Variants in BSN observed in about 807,000 individuals in gnomAD.
BSN encodes the protein bassoon presynaptic cytomatrix protein.
In BSN, 57 loss-of-function variants were observed where a neutral mutation model predicts 264.8. That is an observed-to-expected ratio of 0.22 (90% CI 0.17 to 0.27). The LOEUF (loss-of-function observed/expected upper bound fraction) is 0.27. BSN is among the 10% of genes least tolerant of loss of function. The pLI, the probability that BSN is intolerant of heterozygous loss-of-function variation, is 1.00. For missense variants in BSN, 4,615 were observed against 5,232.5 expected (o/e 0.88, Z 3.64); for synonymous variants, 2,059 against 2,137.3 (o/e 0.96, Z 1.01).
At chr3:49,569,242 C>T (rs978302707) in intron 1 of BSN, among the ~76,000 whole-genome samples, 1 of 152,086 alleles carries the variant, frequency 6.6e-6, no homozygotes, top group Non-Finnish European at 1.5e-5. Flanking sequence ...TAAAGTAGCA[C>T]TTCACCTGCA....
chr3:49,646,132 C>A (rs896973742), intron 3 of BSN, among the ~76,000 whole-genome samples: 1 of 152,144 alleles, frequency 6.6e-6, no homozygotes, highest in Non-Finnish European at 1.5e-5. Flanking sequence ...TCAGAGCACA[C>A]AATAGAGGAG....
At chr3:49,605,520 A>AT (rs1168097474) in intron 1 of BSN, among the ~76,000 whole-genome samples, 4 of 7,654 alleles carry the variant, frequency 5.2e-4, no homozygotes, top group Admixed American at 2.9e-3. Context: ...TATAATATAT[A>AT]TATAATATAT....
intron 1 of BSN, among the ~76,000 whole-genome samples, chr3:49,584,661 A>C (rs753655016): frequency 6.6e-6 from 1 of 152,186 alleles, no homozygotes; most frequent in Non-Finnish European, 1.5e-5. Context: ...TTATTTAAAA[A>C]TATACAATTA....
chr3:49,570,009 T>C (rs563733164), intron 1 of BSN, among the ~76,000 whole-genome samples: 3 of 152,244 alleles, frequency 2.0e-5, no homozygotes, highest in South Asian at 4.1e-4. Context: ...AGCAGAGATA[T>C]CATAATTTGA....
chr3:49,602,092 G>C (rs2052076658), intron 1 of BSN, among the ~76,000 whole-genome samples: 1 of 152,234 alleles, frequency 6.6e-6, no homozygotes, highest in Non-Finnish European at 1.5e-5. Flanking sequence ...GGGTGAGTTG[G>C]GGTAGGGGCT....
rs201531775 is a variant in BSN, at chr3:49,662,169, C to G, written c.10324C>G (p.Arg3442Gly). 5 of 1,612,814 alleles carry G rather than the reference C, an allele frequency of 3.1e-6. No individual in the cohort carries two copies. Among genetic ancestry groups the G allele is most frequent in the Middle Eastern group, 1.6e-4 (1 of 6,062 alleles). ...EDDRIYGGSS[R>G]SRAPSAYSGE... is the part of the protein sequence containing the mutation. ...CGACCGCATTTATGGCGGGAGCAGC[C>G]GGTCCCGGGCACCTTCTGCATACAG... The change falls in exon 6 of 12, where the codon CGG becomes GGG. Residue 3442 changes from arginine to glycine, a missense_variant. Around this residue, in one of 3 missense-constraint regions of BSN, gnomAD observed 3,415 missense variants for 3,866.4 expected, o/e 0.88. Coordinates refer to ENST00000296452, the MANE Select transcript of BSN (RefSeq NM_003458.4).
chr3:49,650,791 C>T lies in BSN; in HGVS notation c.1698C>T (p.Gly566=). 6.2e-7 allele frequency: 1 copy of T among 1,613,918 alleles called. No homozygotes were observed. The highest frequency in any genetic ancestry group is 8.5e-7 in the Non-Finnish European group (1 of 1,179,940). The change falls in exon 4 of 12, where the codon GGC becomes GGT. Residue 566 remains glycine (G), a synonymous_variant. Coordinates refer to ENST00000296452, the MANE Select transcript of BSN (RefSeq NM_003458.4). ...CACAGGGGCTGGGCCAGCCTTCAGGCCCCCTGCCTGCCAAGGCCAGCCCTC... is the reference window on the plus strand; with the variant it reads ...CACAGGGGCTGGGCCAGCCTTCAGGTCCCCTGCCTGCCAAGGCCAGCCCTC... ...KGPQGLGQPS[G]PLPAKASPLS...
intron 1 of BSN, among the ~76,000 whole-genome samples, chr3:49,559,915 G>C (rs2051700042): frequency 6.6e-6 from 1 of 152,208 alleles, no homozygotes; most frequent in South Asian, 2.1e-4. Context: ...GAGAGGCTGA[G>C]AGTTCACTGA....
At chr3:49,662,682 C>G in intron 6 of BSN, 120 bp downstream of exon 6, 1 of 1,479,098 alleles carries the variant, frequency 6.8e-7, no homozygotes, top group Non-Finnish European at 8.9e-7. Flanking sequence ...ATCTGGTGGG[C>G]CCTGCTGCAG....
In BSN at chr3:49,661,789, C is replaced by T. The variant is rs750656279; in HGVS notation, c.9944C>T (p.Ala3315Val). 2.9e-5 allele frequency: 47 copies of T among 1,613,458 alleles called. No homozygotes were observed. Among genetic ancestry groups the T allele is most frequent in the Non-Finnish European group, 4.0e-5 (47 of 1,180,050 alleles). The change falls in exon 6 of 12, where the codon GCC becomes GTC. Residue 3315 changes from alanine (A) to valine (V), a missense_variant. Ala to Val is a moderately conservative substitution (Grantham distance 64, BLOSUM62 0). Around this residue, in one of 3 missense-constraint regions of BSN, gnomAD observed 3,415 missense variants for 3,866.4 expected, o/e 0.88. Transcript: ENST00000296452. ...AGCATGGAGAGCAATGGTCGACCAG[C>T]CAGTACCCACTACTATGGTGACAGT... ...LRSMESNGRP[A>V]STHYYGDSDY... is the part of the protein sequence containing the mutation.
intron 1 of BSN, among the ~76,000 whole-genome samples, chr3:49,609,748 GCTGT>G (rs906632417): frequency 9.9e-5 from 15 of 152,222 alleles, no homozygotes; most frequent in African/African-American, 3.6e-4. Context: ...TTTCAAACAG[GCTGT>G]CTGAGTGAGA....
chr3:49,663,972 C>A lies in BSN; in HGVS notation c.11608+86C>A, dbSNP rs574831976. The A allele has an allele frequency of 3.2e-6, 4 of 1,262,106 alleles. No individual in the cohort carries two copies. The African/African-American group carries it at 4.4e-5, about 14-fold the overall frequency. 78.2% of individuals were successfully genotyped at this position (1,262,106 alleles called of 1,614,324 possible). On this transcript the variant is annotated intron_variant, in intron 8 of 11. Transcript: ENST00000296452. ...ATACCACCTGTGCCCTGAGCTCCCC[C>A]ACACTGCATGCCCTCACTAATCCCT... is the stretch of plus-strand genomic sequence containing the variant.
intron 2 of BSN, among the ~76,000 whole-genome samples, chr3:49,632,535 G>A (rs774974309): frequency 1.3e-5 from 2 of 152,180 alleles, no homozygotes; most frequent in Non-Finnish European, 2.9e-5. Flanking sequence ...CAGGCGCAGT[G>A]GCTCATGCCT....
chr3:49,627,179 G>A (rs2052347577), intron 2 of BSN, among the ~76,000 whole-genome samples: 1 of 152,240 alleles, frequency 6.6e-6, no homozygotes, highest in Non-Finnish European at 1.5e-5. Context: ...GATTCCTCAG[G>A]ATTTTCAGTG....
intron 2 of BSN, among the ~76,000 whole-genome samples, chr3:49,639,357 C>T (rs574955787): frequency 6.6e-6 from 1 of 152,146 alleles, no homozygotes; most frequent in African/African-American, 2.4e-5. Flanking sequence ...TGCCACCACA[C>T]CCGGCTAATT....
chr3:49,612,040 T>A (rs1439427952), intron 1 of BSN, among the ~76,000 whole-genome samples: 1 of 152,204 alleles, frequency 6.6e-6, no homozygotes, highest in East Asian at 1.9e-4. Context: ...CATTTTTTCC[T>A]TCCAAAAACT....
Position 49,656,830 on chromosome 3 carries a change from A to G in BSN, c.7274A>G (p.His2425Arg), listed in dbSNP as rs1181024947. The part of the protein sequence containing the change: ...ELQELQTIKH[H>R]VLQQQQEERQ... ...CAGGAGCTGCAGACCATCAAGCACC[A>G]TGTGCTGCAGCAGCAGCAAGAGGAA... Residue 2425 changes from histidine to arginine, a missense_variant, in exon 5 of 12, where the codon CAT (histidine) becomes CGT (arginine). Transcript: ENST00000296452. 4.4e-6 allele frequency: 7 copies of G among 1,600,150 alleles called. No individual in the cohort carries two copies. The highest frequency in any genetic ancestry group is 6.0e-6 in the Non-Finnish European group (7 of 1,174,022).
chr3:49,662,710 GCTC>G, intron 6 of BSN, 148 bp downstream of exon 6: 1 of 1,236,136 alleles, frequency 8.1e-7, no homozygotes. Flanking sequence ...GCCCTTGCCT[GCTC>G]CATCTGTGCC....
chr3:49,576,137 CT>C (rs2051843889), intron 1 of BSN, among the ~76,000 whole-genome samples: 1 of 152,132 alleles, frequency 6.6e-6, no homozygotes, highest in South Asian at 2.1e-4. Context: ...CTGTTGGGTA[CT>C]CCTGTGTCCC....
Sources: gnomAD v4.1 joint callset for allele counts (sites outside exome capture counted in the v4.1 genomes callset) on GRCh38, gnomAD v4.1.1 for gene constraint, gnomAD v4.1.1 regional missense constraint, MANE v1.5 for transcripts, NCBI Gene and HGNC (gene_info 2026-07-23, HGNC 2026-07-21) for gene names.